Variants in DLGAP2 observed in about 807,000 individuals in gnomAD.
DLGAP2 encodes the protein disks large-associated protein 2.
DLGAP2 carries 26 observed loss-of-function variants against 100.3 expected under a neutral mutation model. The ratio of observed to expected loss-of-function variants is 0.26; its 90% CI spans 0.19 to 0.36. DLGAP2 has a LOEUF of 0.36. Among genes scored for constraint, DLGAP2 ranks in the 10% least tolerant of loss-of-function variants. The pLI is 1.00. For missense variants in DLGAP2, 1,858 were observed against 1,453.2 expected (o/e 1.28, Z -4.53); for synonymous variants, 886 against 630.1 (o/e 1.41, Z -6.08).
intron 2 of DLGAP2, among the ~76,000 whole-genome samples, chr8:1,156,610 C>T (rs1043696519): frequency 3.7e-5 from 1 of 27,318 alleles, no homozygotes; most frequent in South Asian, 1.6e-3. Context: ...AGCCTAGCGT[C>T]CCAGCCCAGC....
intron 1 of DLGAP2, among the ~76,000 whole-genome samples, chr8:894,418 A>G (rs1197988033): frequency 6.6e-6 from 1 of 152,082 alleles, no homozygotes; most frequent in Non-Finnish European, 1.5e-5. Context: ...AGAATGTGGC[A>G]TGTACACAAT....
At chr8:1,030,828 C>T (rs571045515) in intron 2 of DLGAP2, among the ~76,000 whole-genome samples, 1 of 152,256 alleles carries the variant, frequency 6.6e-6, no homozygotes, top group Admixed American at 6.5e-5. Context: ...CCAGCGGGGC[C>T]GCGGGCGGGA....
intron 3 of DLGAP2, among the ~76,000 whole-genome samples, chr8:1,371,059 A>T (rs963122360): frequency 1.3e-5 from 2 of 152,234 alleles, no homozygotes; most frequent in Non-Finnish European, 2.9e-5. Flanking sequence ...TTGTCATTGG[A>T]AGCAGCCCTG....
intron 2 of DLGAP2, among the ~76,000 whole-genome samples, chr8:1,232,012 C>CTT (rs1563267761): frequency 1.1e-4 from 16 of 152,098 alleles, no homozygotes; most frequent in Admixed American, 4.6e-4. Context: ...ATGCCAGTAG[C>CTT]CAAAAGAAAA....
Position 1,676,486 on chromosome 8 carries a change from A to G in DLGAP2, c.2203-47A>G, listed in dbSNP as rs987403087. 5 of 1,570,714 alleles carry G rather than the reference A, an allele frequency of 3.2e-6. No individual in the cohort carries two copies. The African/African-American group carries it at 6.8e-5, about 21-fold the overall frequency. On this transcript the variant is annotated intron_variant, in intron 10 of 14. Coordinates refer to ENST00000637795, the MANE Select transcript of DLGAP2 (RefSeq NM_001346810.2). ...ACAACAACAAAATAGTCCCTTGCCCAGGCCCCATGTTTCAGTTCTAAAATA... is the reference window on the plus strand; with the variant it reads ...ACAACAACAAAATAGTCCCTTGCCCGGGCCCCATGTTTCAGTTCTAAAATA...
At chr8:1,003,267 C>A (rs973998690) in intron 2 of DLGAP2, 2 of 152,284 alleles carry the variant, frequency 1.3e-5, no homozygotes, top group African/African-American at 4.8e-5. Flanking sequence ...TCTTCCTTCA[C>A]TCCTGCATCC....
chr8:1,682,824 A>T (rs1417845542), intron 12 of DLGAP2, among the ~76,000 whole-genome samples: 2 of 151,630 alleles, frequency 1.3e-5, no homozygotes, highest in African/African-American at 4.8e-5. Context: ...GCATCTGAAA[A>T]ACTATTTTTC....
At chr8:862,338 T>C (rs914340512) in intron 1 of DLGAP2, among the ~76,000 whole-genome samples, 1 of 150,984 alleles carries the variant, frequency 6.6e-6, no homozygotes, top group Non-Finnish European at 1.5e-5. Flanking sequence ...AGTCTCACTC[T>C]GTCGCCCAGG....
At chr8:1,541,951 A>C (rs747356269) in intron 4 of DLGAP2, among the ~76,000 whole-genome samples, 3 of 152,228 alleles carry the variant, frequency 2.0e-5, no homozygotes, top group Non-Finnish European at 4.4e-5. Context: ...GATGTATATG[A>C]CTGTCACAGG....
chr8:801,118 G>C (rs1796143418), intron 1 of DLGAP2, among the ~76,000 whole-genome samples: 1 of 152,198 alleles, frequency 6.6e-6, no homozygotes, highest in Non-Finnish European at 1.5e-5. Flanking sequence ...TGCATGATCG[G>C]TTGATTAGAC....
chr8:1,361,381 C>G (rs1317933530), intron 3 of DLGAP2, among the ~76,000 whole-genome samples: 1 of 152,204 alleles, frequency 6.6e-6, no homozygotes, highest in African/African-American at 2.4e-5. Context: ...ATTTATCTTT[C>G]TTAGTGCTTT....
intron 1 of DLGAP2, among the ~76,000 whole-genome samples, chr8:813,913 C>T (rs767823345): frequency 1.2e-4 from 19 of 152,024 alleles, no homozygotes; most frequent in African/African-American, 4.8e-5. Flanking sequence ...CTGCACTCAG[C>T]GTGTAGTGAT....
intron 6 of DLGAP2, among the ~76,000 whole-genome samples, chr8:1,614,080 T>G (rs549041283): frequency 3.9e-5 from 6 of 152,106 alleles, no homozygotes; most frequent in Non-Finnish European, 7.4e-5. Flanking sequence ...GGGAGGCTGG[T>G]TCACTGCAAG....
At chr8:1,001,550 C>T (rs1800956561) in intron 2 of DLGAP2, among the ~76,000 whole-genome samples, 1 of 152,032 alleles carries the variant, frequency 6.6e-6, no homozygotes. Context: ...TGTCATGAAA[C>T]CTCAAACGAA....
At chr8:1,360,416 A>G (rs1055298673) in intron 3 of DLGAP2, among the ~76,000 whole-genome samples, 12 of 152,060 alleles carry the variant, frequency 7.9e-5, no homozygotes, top group Non-Finnish European at 5.9e-5. Context: ...AGTAGAGTGC[A>G]TGGGTGTCCT....
At chr8:1,223,816 A>T (rs1485892159) in intron 2 of DLGAP2, among the ~76,000 whole-genome samples, 4 of 152,208 alleles carry the variant, frequency 2.6e-5, no homozygotes, top group Non-Finnish European at 5.9e-5. Flanking sequence ...GTAGGCAGAG[A>T]TTTATTAAGC....
chr8:1,466,606 C>T (rs1465092194), intron 3 of DLGAP2, among the ~76,000 whole-genome samples: 6 of 152,096 alleles, frequency 3.9e-5, no homozygotes, highest in African/African-American at 1.4e-4. Flanking sequence ...CCAGAACTCT[C>T]AGGTGCCGAG....
intron 3 of DLGAP2, among the ~76,000 whole-genome samples, chr8:1,470,775 A>ACCCCCCCAGGCTTTCCCGACC (rs1563168449): frequency 1.3e-5 from 1 of 76,044 alleles, no homozygotes; most frequent in Non-Finnish European, 3.2e-5. Flanking sequence ...GCCTTTCCCG[A>ACCCCCCCAGGCTTTCCCGACC]CTCCCCCAGC....
chr8:1,071,468 C>G lies in DLGAP2; in HGVS notation c.73+163502C>G, dbSNP rs556772097. On this transcript the variant is annotated intron_variant, in intron 2 of 14. Coordinates refer to ENST00000637795, the MANE Select transcript of DLGAP2 (RefSeq NM_001346810.2). ...AGGCTGGGGCAGCTGTCCTCAGCTA[C>G]CAGTCAGGAGAACACTTGCTCCTGG... 4.7e-4 allele frequency among the ~76,000 whole-genome samples: 71 copies of G among 152,278 alleles called. 1 individual carries two copies. Among genetic ancestry groups the G allele is most frequent in the African/African-American group, 1.6e-3 (65 of 41,562 alleles).
Sources: gnomAD v4.1 joint callset for allele counts (sites outside exome capture counted in the v4.1 genomes callset) on GRCh38, gnomAD v4.1.1 for gene constraint, MANE v1.5 for transcripts, NCBI Gene and HGNC (gene_info 2026-07-23, HGNC 2026-07-21) for gene names.